The following SGK3 variants were observed in gnomAD, a reference collection of about 807,000 sequenced individuals.
The protein encoded by SGK3 is serum/glucocorticoid regulated kinase family member 3.
Under a neutral mutation model 68.5 loss-of-function variants are expected in SGK3, and 47 were observed. The observed-to-expected ratio is 0.69, with a 90% CI of 0.54 to 0.87. The LOEUF (loss-of-function observed/expected upper bound fraction) is 0.87. SGK3 is among the 40% of genes least tolerant of loss of function. The pLI is 0.00. For synonymous variants in SGK3, 181 were observed against 189.1 expected (o/e 0.96, Z 0.35); for missense variants, 479 against 575.5 (o/e 0.83, Z 1.72).
chr8:66,794,453 C>T (rs1372884700), intron 2 of SGK3, among the ~76,000 whole-genome samples: 1 of 151,664 alleles, frequency 6.6e-6, no homozygotes, highest in Non-Finnish European at 1.5e-5. Flanking sequence ...TTAGTATATA[C>T]AGAGGTCTTG....
chr8:66,791,236 C>T (rs1341980540), intron 1 of SGK3, among the ~76,000 whole-genome samples: 1 of 152,124 alleles, frequency 6.6e-6, no homozygotes, highest in Non-Finnish European at 1.5e-5. Flanking sequence ...CTCCTCTTAC[C>T]CTCTAATTTG....
chr8:66,779,232 C>T (rs1806851816), intron 1 of SGK3, among the ~76,000 whole-genome samples: 1 of 152,058 alleles, frequency 6.6e-6, no homozygotes, highest in Non-Finnish European at 1.5e-5. Context: ...CAGCATTTAA[C>T]ACATTTTGCT....
At chr8:66,717,251 T>C (rs1342747370) in intron 1 of SGK3, among the ~76,000 whole-genome samples, 1 of 146,948 alleles carries the variant, frequency 6.8e-6, no homozygotes, top group African/African-American at 2.5e-5. Context: ...AAAAAAACGC[T>C]GGGCTTGGTG....
intron 1 of SGK3, among the ~76,000 whole-genome samples, chr8:66,735,124 A>G (rs1003632386): frequency 6.6e-6 from 1 of 152,218 alleles, no homozygotes; most frequent in African/African-American, 2.4e-5. Context: ...TATATATAGG[A>G]AAAAACATAG....
At chr8:66,828,737 T>C (rs1249914620) in intron 7 of SGK3, 34 bp downstream of exon 7, 7 of 1,611,168 alleles carry the variant, frequency 4.3e-6, no homozygotes, top group Admixed American at 1.7e-5. Context: ...ATTTTTTAAC[T>C]GAATTTTAGG....
intron 4 of SGK3, among the ~76,000 whole-genome samples, chr8:66,813,570 A>G (rs1250119776): frequency 6.6e-6 from 1 of 151,504 alleles, no homozygotes; most frequent in African/African-American, 2.4e-5. Flanking sequence ...TAGTCTATTT[A>G]GAGTCCATAA....
chr8:66,756,527 CA>C (rs1477570821), intron 1 of SGK3, among the ~76,000 whole-genome samples: 11 of 129,194 alleles, frequency 8.5e-5, no homozygotes, highest in Admixed American at 1.7e-4. Context: ...TATGGGCTTA[CA>C]AAAGACAAAC....
chr8:66,719,464 G>A (rs1804738346), intron 1 of SGK3, among the ~76,000 whole-genome samples: 2 of 151,862 alleles, frequency 1.3e-5, no homozygotes, highest in Non-Finnish European at 2.9e-5. Context: ...GTACTGGTAT[G>A]TGCCACCATA....
At chr8:66,767,945 T>C in intron 1 of SGK3, 1 of 962,882 alleles carries the variant, frequency 1.0e-6, no homozygotes, top group Non-Finnish European at 1.7e-6. Context: ...AGCCCATCCT[T>C]TGTAGCCACA....
At chr8:66,855,927 A>T (rs1246916439) in intron 16 of SGK3, among the ~76,000 whole-genome samples, 2 of 152,222 alleles carry the variant, frequency 1.3e-5, no homozygotes, top group Admixed American at 1.3e-4. Flanking sequence ...CAATCCTATG[A>T]GATAGTACTG....
intron 1 of SGK3, among the ~76,000 whole-genome samples, chr8:66,736,852 C>G (rs111767072): frequency 0.13 from 19,837 of 151,814 alleles, 2,502 homozygotes; most frequent in African/African-American, 0.33. Flanking sequence ...CTCCCGACCT[C>G]AGGTGATCCA....
chr8:66,789,963 A>G lies in SGK3; in HGVS notation c.-121-3653A>G, dbSNP rs1166523191. Among the ~76,000 whole-genome samples the G allele has an allele frequency of 5.9e-5, 9 of 152,252 alleles. No homozygotes were observed. The East Asian group carries it at 1.7e-3, about 29-fold the overall frequency. On this transcript the variant is annotated intron_variant, in intron 1 of 16. Coordinates refer to ENST00000521198, the MANE Select transcript of SGK3 (RefSeq NM_001033578.3). ...CATGGTAGCACATGCCTGTGGTCCCAGCTACTTGGGAGGCTGAGGTGAGAG... is the reference window on the plus strand; with the variant it reads ...CATGGTAGCACATGCCTGTGGTCCCGGCTACTTGGGAGGCTGAGGTGAGAG...
intron 1 of SGK3, among the ~76,000 whole-genome samples, chr8:66,766,620 T>C (rs1376450350): frequency 6.6e-6 from 1 of 152,232 alleles, no homozygotes; most frequent in African/African-American, 2.4e-5. Context: ...ACTTGTGTTA[T>C]TATGAAAGGG....
At chr8:66,732,980 A>G (rs1805213072) in intron 1 of SGK3, among the ~76,000 whole-genome samples, 1 of 152,232 alleles carries the variant, frequency 6.6e-6, no homozygotes, top group Non-Finnish European at 1.5e-5. Flanking sequence ...AATAATGACC[A>G]TATTGGAAGG....
intron 1 of SGK3, among the ~76,000 whole-genome samples, chr8:66,717,852 C>T (rs1804681847): frequency 6.6e-6 from 1 of 151,624 alleles, no homozygotes. Context: ...TACAGTTGTG[C>T]ACCACCATGC....
intron 16 of SGK3, among the ~76,000 whole-genome samples, chr8:66,856,947 G>T (rs1810536534): frequency 2.0e-5 from 3 of 152,016 alleles, no homozygotes; most frequent in African/African-American, 7.2e-5. Context: ...ACAAAAATTA[G>T]CTGGGCATGG....
chr8:66,832,849 TC>T (rs890810781), intron 8 of SGK3, among the ~76,000 whole-genome samples: 2 of 152,182 alleles, frequency 1.3e-5, no homozygotes, highest in African/African-American at 4.8e-5. Flanking sequence ...TTCATTTTTT[TC>T]CATGTGGATA....
At chr8:66,789,603 T>C (rs190856520) in intron 1 of SGK3, among the ~76,000 whole-genome samples, 1 of 152,364 alleles carries the variant, frequency 6.6e-6, no homozygotes, top group Admixed American at 6.5e-5. Flanking sequence ...CCACTTTGAC[T>C]TGTAGACCAT....
chr8:66,817,115 C>A (rs999296026), intron 5 of SGK3, among the ~76,000 whole-genome samples: 1 of 152,068 alleles, frequency 6.6e-6, no homozygotes, highest in Non-Finnish European at 1.5e-5. Context: ...CCACCGTGCC[C>A]AGCAGGAAAT....
Sources: gnomAD v4.1 joint callset for allele counts (sites outside exome capture counted in the v4.1 genomes callset) on GRCh38, gnomAD v4.1.1 for gene constraint, MANE v1.5 for transcripts, NCBI Gene and HGNC (gene_info 2026-07-23, HGNC 2026-07-21) for gene names.